The following PLCB1 variants were observed in gnomAD, a reference collection of about 807,000 sequenced individuals.
PLCB1 encodes 1-phosphatidylinositol 4,5-bisphosphate phosphodiesterase beta-1.
Under a neutral mutation model 161.8 loss-of-function variants are expected in PLCB1, and 46 were observed. That is an observed-to-expected ratio of 0.28 (90% confidence interval 0.22 to 0.36). The LOEUF (loss-of-function observed/expected upper bound fraction) is 0.36, where lower values mean the gene tolerates loss of function less well. Among genes scored for constraint, PLCB1 ranks in the 10% least tolerant of loss-of-function variants. The pLI is 1.00. For synonymous variants in PLCB1, 517 were observed against 503.7 expected, an observed-to-expected ratio of 1.03 and a Z score of -0.35; for missense variants, 1,016 against 1,472.5, an observed-to-expected ratio of 0.69 and a Z score of 5.07.
intron 2 of PLCB1, chr20:8,305,710 A>G (rs180790199): frequency 1.3e-5 from 2 of 152,314 alleles, no homozygotes; most frequent in East Asian, 3.9e-4. Context: ...CTAAACATCC[A>G]CAAGGTTAGT....
At chr20:8,397,843 T>C (rs1016886871) in intron 3 of PLCB1, among the ~76,000 whole-genome samples, 11 of 152,152 alleles carry the variant, frequency 7.2e-5, no homozygotes, top group African/African-American at 2.4e-4. Flanking sequence ...GGAGGTTCTG[T>C]AGTTTTTTCA....
chr20:8,726,429 G>A (rs921374267), intron 16 of PLCB1, among the ~76,000 whole-genome samples: 4 of 151,930 alleles, frequency 2.6e-5, no homozygotes, highest in South Asian at 4.2e-4. Flanking sequence ...AGAAATATCC[G>A]AGACTGGGTA....
intron 3 of PLCB1, 92 bp from the exon 4 acceptor site, chr20:8,628,202 T>C (rs1274459477): frequency 9.7e-7 from 1 of 1,027,196 alleles, no homozygotes; most frequent in Non-Finnish European, 1.5e-6. Context: ...AACTTTGTTT[T>C]GAAATCATTC....
At chr20:8,341,292 G>C (rs1373851145) in intron 2 of PLCB1, among the ~76,000 whole-genome samples, 1 of 152,140 alleles carries the variant, frequency 6.6e-6, no homozygotes, top group Non-Finnish European at 1.5e-5. Context: ...AGACTTTGTA[G>C]AGAGTCTTCA....
chr20:8,132,587 C>CCCCGCGT lies in PLCB1; in HGVS notation c.-59_-58insTCCCGCG. 1 of 1,075,402 alleles carries CCCCGCGT rather than the reference C, an allele frequency of 9.3e-7. No individual in the cohort carries two copies. The highest frequency in any genetic ancestry group is 1.3e-6 in the Non-Finnish European group (1 of 785,694). The allele number at this position is 1,075,402 out of a possible 1,614,324, so 66.6% of individuals were successfully genotyped here. A position where few individuals can be genotyped will look rare whatever the true frequency, so the allele number is the denominator to read the frequency against. ...AGGAGCCCGCGCCCCGCGCCCCGCG[C>CCCCGCGT]CCCGCGCACGGTCCCCAGTCCCTGC... On this transcript the variant is annotated 5_prime_UTR_variant, in exon 1 of 32. Coordinates refer to ENST00000338037, the MANE Select transcript of PLCB1 (RefSeq NM_015192.4). This position sits in a 1 kb window ranked among gnomAD's most constrained non-coding sequence, Gnocchi z 5.2.
At position 8,476,671 on chromosome 20, in the gene PLCB1, G is replaced by T. The variant is rs1157311979; in HGVS notation, c.246+105221G>T. Among the ~76,000 whole-genome samples, 8 of 152,074 alleles carry T rather than the reference G, an allele frequency of 5.3e-5. 1 individual carries two copies. Among genetic ancestry groups the T allele is most frequent in the African/African-American group, 1.4e-4 (6 of 41,410 alleles). ...TATTAAAAATATAAATTTTGACTCA[G>T]TGAGTCTGGGATAGGGATTGAAATT... is the stretch of plus-strand genomic sequence containing the variant. On this transcript the variant is annotated intron_variant, in intron 3 of 31. Coordinates refer to ENST00000338037, the MANE Select transcript of PLCB1 (RefSeq NM_015192.4).
intron 9 of PLCB1, among the ~76,000 whole-genome samples, chr20:8,684,094 C>A (rs924160559): frequency 6.6e-6 from 1 of 151,896 alleles, no homozygotes; most frequent in Non-Finnish European, 1.5e-5. Context: ...CCGTGTTAGC[C>A]AGGATGGTCT....
At chr20:8,323,485 A>G (rs1985005355) in intron 2 of PLCB1, among the ~76,000 whole-genome samples, 1 of 152,118 alleles carries the variant, frequency 6.6e-6, no homozygotes, top group South Asian at 2.1e-4. Context: ...TTGTCTAGGG[A>G]GACCCAAACA....
intron 4 of PLCB1, among the ~76,000 whole-genome samples, chr20:8,644,164 G>A (rs1231589319): frequency 2.0e-5 from 3 of 152,084 alleles, no homozygotes; most frequent in South Asian, 2.1e-4. Flanking sequence ...CCTCCCAGCC[G>A]CCTGCCTTGG....
chr20:8,779,128 T>C (rs1983080569), intron 27 of PLCB1, among the ~76,000 whole-genome samples: 1 of 152,184 alleles, frequency 6.6e-6, no homozygotes, highest in Non-Finnish European at 1.5e-5. Flanking sequence ...GGGGATTAAA[T>C]ACCAACGTGC....
chr20:8,769,488 C>T (rs1317958669), intron 26 of PLCB1, among the ~76,000 whole-genome samples: 1 of 152,036 alleles, frequency 6.6e-6, no homozygotes, highest in Non-Finnish European at 1.5e-5. Flanking sequence ...ATATAAATTA[C>T]TCTTATCAGA....
In PLCB1 at chr20:8,132,642, A is replaced by G. The variant is rs1342228479; in HGVS notation, c.-10A>G. ...CTCGCCCGGGCCGCCCGGAGCCCAG[A>G]TGAGCCCAGATGGCCGGGGCTCAAC... On this transcript the variant is annotated 5_prime_UTR_variant, in exon 1 of 32. An upstream start codon of the reference 5' UTR is lost. Coordinates refer to ENST00000338037, the MANE Select transcript of PLCB1 (RefSeq NM_015192.4). This position sits in a 1 kb window ranked among gnomAD's most constrained non-coding sequence, Gnocchi z 5.2. The G allele has an allele frequency of 6.2e-7, 1 of 1,602,030 alleles. No homozygotes were observed. The highest frequency in any genetic ancestry group is 8.5e-7 in the Non-Finnish European group (1 of 1,172,824).
At chr20:8,644,557 G>A (rs1437649208) in intron 4 of PLCB1, among the ~76,000 whole-genome samples, 3 of 149,054 alleles carry the variant, frequency 2.0e-5, no homozygotes, top group South Asian at 2.2e-4. Flanking sequence ...CCCTCCGCCC[G>A]GCAGCCGCCC....
intron 2 of PLCB1, among the ~76,000 whole-genome samples, chr20:8,181,665 C>T (rs1244250140): frequency 6.6e-6 from 1 of 152,058 alleles, no homozygotes; most frequent in Non-Finnish European, 1.5e-5. Flanking sequence ...GAATCTAATG[C>T]CTACCATAGC....
chr20:8,793,376 C>G (rs1983860223), intron 31 of PLCB1, among the ~76,000 whole-genome samples: 1 of 152,132 alleles, frequency 6.6e-6, no homozygotes, highest in South Asian at 2.1e-4. Context: ...CCTCCCTCAA[C>G]TAATTTACAG....
intron 2 of PLCB1, among the ~76,000 whole-genome samples, chr20:8,198,048 T>C (rs1274286455): frequency 3.9e-5 from 6 of 152,160 alleles, no homozygotes; most frequent in Admixed American, 3.9e-4. Context: ...TACCATGCTG[T>C]TTTGGTTACT....
intron 3 of PLCB1, among the ~76,000 whole-genome samples, chr20:8,507,440 T>C (rs6140629): frequency 0.11 from 17,247 of 152,200 alleles, 1,383 homozygotes; most frequent in East Asian, 0.35. Flanking sequence ...TTTCAGCAAA[T>C]TGGAAGTTAC....
At chr20:8,679,961 T>A (rs1456959511) in intron 9 of PLCB1, among the ~76,000 whole-genome samples, 3 of 152,186 alleles carry the variant, frequency 2.0e-5, no homozygotes, top group African/African-American at 7.2e-5. Flanking sequence ...CCTGATTGAA[T>A]TCATAGACTT....
At chr20:8,675,473 A>C (rs1990052086) in intron 9 of PLCB1, among the ~76,000 whole-genome samples, 1 of 152,136 alleles carries the variant, frequency 6.6e-6, no homozygotes, top group Non-Finnish European at 1.5e-5. Context: ...AAGCCAGGGA[A>C]TCCCATGATA....
Sources: allele counts gnomAD v4.1 joint callset (sites outside exome capture counted in the v4.1 genomes callset), GRCh38; gene constraint gnomAD v4.1.1; non-coding constraint Gnocchi (gnomAD v3.1); transcripts MANE v1.5; gene names NCBI Gene and HGNC (gene_info 2026-07-23, HGNC 2026-07-21).